Variants in VWA3A observed in about 807,000 individuals in gnomAD.
VWA3A encodes the protein von Willebrand factor A domain-containing protein 3A.
Under a neutral mutation model 160.4 loss-of-function variants are expected in VWA3A, and 134 were observed. The ratio of observed to expected loss-of-function variants is 0.84; its 90% confidence interval spans 0.73 to 0.96. The LOEUF (loss-of-function observed/expected upper bound fraction) is 0.96, where lower values mean the gene tolerates loss of function less well. Among genes scored for constraint, VWA3A ranks in the 40% least tolerant of loss-of-function variants. The probability of loss-of-function intolerance (pLI) is 0.00; values close to 1 mark genes in which losing one functional copy is unlikely to be tolerated. For synonymous variants in VWA3A, 476 were observed against 543.4 expected (o/e 0.88, Z 1.72); for missense variants, 1,310 against 1,447.9 (o/e 0.90, Z 1.55).
chr16:22,155,719 C>G, intron 32 of VWA3A, 55 bp downstream of exon 32: 1 of 1,602,492 alleles, frequency 6.2e-7, no homozygotes, highest in Non-Finnish European at 8.5e-7. Flanking sequence ...CCCATGCAGA[C>G]CCCGGACCCC....
rs1382882444 is a variant in VWA3A at position 22,146,292 on chromosome 16, C to T, written c.2787C>T (p.His929=). ...TPREMEVYIR[H]LEKVLRRYVQ... The stretch of plus-strand genomic sequence containing the variant: ...GGGAGATGGAGGTGTACATCAGGCA[C>T]TTGGAGAAGGTGTTAAGGCGCTATG... The change falls in exon 27 of 34, where the codon CAC becomes CAT. Residue 929 remains histidine, a synonymous_variant. Coordinates refer to ENST00000389398, the MANE Select transcript of VWA3A (RefSeq NM_173615.5). 1.2e-6 allele frequency: 2 copies of T among 1,613,664 alleles called. No homozygotes were observed. The highest frequency in any genetic ancestry group is 1.7e-6 in the Non-Finnish European group (2 of 1,179,748).
intron 30 of VWA3A, 39 bp from the exon 31 acceptor site, chr16:22,152,472 A>G: frequency 1.2e-6 from 2 of 1,607,532 alleles, no homozygotes; most frequent in Admixed American, 1.7e-5. Context: ...TTGCCTGGTC[A>G]GTCAGCCTTC....
chr16:22,129,933 A>G (rs1356536455), intron 17 of VWA3A, among the ~76,000 whole-genome samples: 1 of 152,066 alleles, frequency 6.6e-6, no homozygotes, highest in Non-Finnish European at 1.5e-5. Flanking sequence ...CACCCCTGTA[A>G]TCCCAGCACT....
rs551570349 is a variant in VWA3A at position 22,156,650 on chromosome 16, G to A, written c.*633G>A. 9.2e-5 allele frequency: 14 copies of A among 152,340 alleles called. No individual in the cohort carries two copies. In the East Asian group the frequency reaches 2.5e-3, roughly 27 times the overall value. 9.4% of individuals were successfully genotyped at this position (152,340 alleles called of 1,614,324 possible). A position where few individuals can be genotyped will look rare whatever the true frequency, so the allele number is the denominator to read the frequency against. ...AGCTGTGAGAGCCTAGCTCTGGAAA[G>A]CAGCTGATGGGGTGGTCTCCACCCT... On this transcript the variant is annotated 3_prime_UTR_variant, in exon 34 of 34. Coordinates refer to ENST00000389398, the MANE Select transcript of VWA3A (RefSeq NM_173615.5).
chr16:22,141,728 C>T, intron 24 of VWA3A, 36 bp downstream of exon 24: 1 of 1,558,358 alleles, frequency 6.4e-7, no homozygotes. Flanking sequence ...TGGACAGCCC[C>T]CTGGCCCTGG....
intron 6 of VWA3A, among the ~76,000 whole-genome samples, chr16:22,104,871 G>A (rs929580974): frequency 3.3e-5 from 5 of 151,930 alleles, no homozygotes; most frequent in Non-Finnish European, 5.9e-5. Flanking sequence ...TAAACCCTGG[G>A]AAAAGCAGAT....
At chr16:22,113,757 A>AT (rs1318116007) in intron 8 of VWA3A, among the ~76,000 whole-genome samples, 2 of 151,252 alleles carry the variant, frequency 1.3e-5, no homozygotes, top group African/African-American at 2.4e-5. Flanking sequence ...TGCCCAGCTG[A>AT]TTTTTTTAAT....
intron 9 of VWA3A, among the ~76,000 whole-genome samples, chr16:22,115,905 GGAAGGAAGGAA>G (rs2045628309): frequency 5.6e-5 from 2 of 35,474 alleles, no homozygotes; most frequent in Non-Finnish European, 8.2e-5. Context: ...AAGGAAGGAA[GGAAGGAAGGAA>G]GGAAGGAAAG....
At chr16:22,150,967 C>A in intron 30 of VWA3A, 121 bp downstream of exon 30, 1 of 1,227,176 alleles carries the variant, frequency 8.1e-7, no homozygotes. Context: ...CTCCTGGGCC[C>A]TAATCCTGTA....
At chr16:22,149,090 C>A (rs2046303942) in intron 28 of VWA3A, among the ~76,000 whole-genome samples, 1 of 152,126 alleles carries the variant, frequency 6.6e-6, no homozygotes, top group African/African-American at 2.4e-5. Context: ...TTACACGCAT[C>A]ATTTCATCAA....
intron 30 of VWA3A, among the ~76,000 whole-genome samples, chr16:22,151,937 G>A (rs902142595): frequency 6.6e-6 from 1 of 152,080 alleles, no homozygotes; most frequent in African/African-American, 2.4e-5. Context: ...GGCTGAGCAC[G>A]ACGGCTCATG....
At chr16:22,099,007 G>A (rs950729637) in intron 3 of VWA3A, among the ~76,000 whole-genome samples, 2 of 151,092 alleles carry the variant, frequency 1.3e-5, no homozygotes, top group Admixed American at 6.6e-5. Flanking sequence ...TAGGAAGGAG[G>A]ATCACTTGAG....
chr16:22,103,344 A>G (rs1453831438), intron 5 of VWA3A, 131 bp from the exon 6 acceptor site: 1 of 805,168 alleles, frequency 1.2e-6, no homozygotes, highest in African/African-American at 1.7e-5. Context: ...AAGGTTCACC[A>G]CCTTCTTCCA....
intron 2 of VWA3A, among the ~76,000 whole-genome samples, chr16:22,097,261 G>A (rs2045341979): frequency 6.6e-6 from 1 of 152,070 alleles, no homozygotes. Flanking sequence ...CACCGTGCCT[G>A]GGCTAGTTCT....
chr16:22,132,988 T>G lies in VWA3A; in HGVS notation c.1961T>G (p.Met654Arg), dbSNP rs202009523. 1 of 1,613,962 alleles carries G rather than the reference T, an allele frequency of 6.2e-7. No homozygotes were observed. Among genetic ancestry groups the G allele is most frequent in the Admixed American group, 1.7e-5 (1 of 60,018 alleles). The change falls in exon 20 of 34, where the codon ATG (methionine) becomes AGG (arginine). Residue 654 changes from methionine (M) to arginine (R), a missense_variant. By Grantham distance (91) the Met-to-Arg change is moderately conservative. Transcript: ENST00000389398. ...CTCTTCTACGTGGGCGAGCCAAAGA[T>G]GGACACCACACCCCCTGCCCGCTAT... ...VCLFYVGEPK[M>R]DTTPPARYAS...
At chr16:22,142,539 G>C (rs1025619508) in intron 24 of VWA3A, 129 bp from the exon 25 acceptor site, 3 of 664,936 alleles carry the variant, frequency 4.5e-6, no homozygotes, top group Non-Finnish European at 8.0e-6. Flanking sequence ...CTATTCATGA[G>C]GGATCCGTTC....
chr16:22,120,564 C>A (rs751957033), intron 12 of VWA3A, among the ~76,000 whole-genome samples: 26 of 152,138 alleles, frequency 1.7e-4, no homozygotes, highest in Non-Finnish European at 3.2e-4. Flanking sequence ...CTTACACATT[C>A]GCTATGTAAT....
At position 22,123,114 on chromosome 16, in the gene VWA3A, C is replaced by T. The variant is rs763370451; in HGVS notation, c.1386C>T (p.Asp462=). 34 of 1,606,252 alleles carry T rather than the reference C, an allele frequency of 2.1e-5. No individual in the cohort carries two copies. The highest frequency in any genetic ancestry group is 8.5e-5 in the Admixed American group (5 of 58,964). Residue 462 remains aspartate, a synonymous_variant, in exon 15 of 34, where the codon GAC becomes GAT. Transcript: ENST00000389398. ...EKAMIQFEWH[D]GTVKNIHVDP... ...CAATGATACAATTTGAATGGCACGA[C>T]GGGACAGTGAAGAACATTCATGTGG... is the stretch of plus-strand genomic sequence containing the variant.
intron 25 of VWA3A, among the ~76,000 whole-genome samples, chr16:22,142,993 T>C (rs1162522713): frequency 6.6e-6 from 1 of 151,816 alleles, no homozygotes; most frequent in Non-Finnish European, 1.5e-5. Context: ...CTACTAAAAG[T>C]ACAAAAATTA....
Sources: allele counts gnomAD v4.1 joint callset (sites outside exome capture counted in the v4.1 genomes callset), GRCh38; gene constraint gnomAD v4.1.1; transcripts MANE v1.5; gene names NCBI Gene and HGNC (gene_info 2026-07-23, HGNC 2026-07-21).